The following SUMF1 variants were observed in gnomAD, a reference collection of about 807,000 sequenced individuals.
The protein encoded by SUMF1 is formylglycine-generating enzyme.
A neutral mutation model predicts 47.6 loss-of-function variants in SUMF1; 48 were observed. That is an observed-to-expected ratio of 1.01 (90% CI 0.80 to 1.28). The LOEUF (loss-of-function observed/expected upper bound fraction) is 1.28, where lower values mean the gene tolerates loss of function less well. Ranked by LOEUF, SUMF1 falls within the 50% of genes most tolerant of loss-of-function variation. The probability of loss-of-function intolerance (pLI) is 0.00; values close to 1 mark genes in which losing one functional copy is unlikely to be tolerated. For synonymous variants in SUMF1, 230 were observed against 192.1 expected (o/e 1.20, Z -1.63); for missense variants, 571 against 485.4 (o/e 1.18, Z -1.66).
intron 3 of SUMF1, among the ~76,000 whole-genome samples, chr3:4,426,506 T>C (rs1266516727): frequency 6.6e-6 from 1 of 152,136 alleles, no homozygotes; most frequent in Non-Finnish European, 1.5e-5. Flanking sequence ...AAATAACTTG[T>C]TCTTGAACTC....
At chr3:4,392,920 T>C (rs1422718861) in intron 7 of SUMF1, among the ~76,000 whole-genome samples, 3 of 152,242 alleles carry the variant, frequency 2.0e-5, no homozygotes, top group Admixed American at 1.3e-4. Flanking sequence ...TCTCAGATAC[T>C]TTGAACCCAC....
Position 4,452,938 on chromosome 3 carries a change from C to T in SUMF1, c.382G>A (p.Ala128Thr), listed in dbSNP as rs1575241538. The change falls in exon 2 of 9, where the codon GCC becomes ACC. Residue 128 changes from alanine to threonine, a missense_variant. Ala to Thr is a moderately conservative substitution (Grantham distance 58, BLOSUM62 0). Coordinates refer to ENST00000272902, the MANE Select transcript of SUMF1 (RefSeq NM_182760.4). ...RVTIDAFYMD[A>T]YEVSNTEFEK... Reference sequence around the variant, plus strand: ...AATTCAGTATTACTGACTTCATAGGCATCCATGTAAAAGGCATCAATAGTA... The same window carrying T: ...AATTCAGTATTACTGACTTCATAGGTATCCATGTAAAAGGCATCAATAGTA... 6.2e-7 allele frequency: 1 copy of T among 1,614,190 alleles called. No homozygotes were observed. Among genetic ancestry groups the T allele is most frequent in the South Asian group, 1.1e-5 (1 of 91,084 alleles).
At chr3:4,418,680 A>AT (rs1272430529) in intron 4 of SUMF1, among the ~76,000 whole-genome samples, 1 of 152,172 alleles carries the variant, frequency 6.6e-6, no homozygotes, top group East Asian at 1.9e-4. Context: ...TGCTTTCTAC[A>AT]GGTGTGGGGC....
intron 8 of SUMF1, among the ~76,000 whole-genome samples, chr3:4,180,700 A>ACACACACACACACACACAC (rs1553606606): frequency 8.6e-5 from 13 of 151,420 alleles, no homozygotes; most frequent in South Asian, 2.1e-4. Context: ...ACACACACAC[A>ACACACACACACACACACAC]AAATTAGCCA....
At chr3:4,230,022 A>C (rs1333837897) in intron 8 of SUMF1, among the ~76,000 whole-genome samples, 3 of 152,088 alleles carry the variant, frequency 2.0e-5, no homozygotes, top group Non-Finnish European at 2.9e-5. Context: ...CCAAAAAAAA[A>C]GAAAAGAAAA....
At chr3:4,367,293 CT>C (rs1273218059) in intron 8 of SUMF1, among the ~76,000 whole-genome samples, 6 of 152,202 alleles carry the variant, frequency 3.9e-5, no homozygotes, top group Non-Finnish European at 8.8e-5. Flanking sequence ...TTACTGCTAT[CT>C]TTTTGTTTGT....
At chr3:4,321,801 TCCTC>T (rs1394192675) in intron 8 of SUMF1, among the ~76,000 whole-genome samples, 1 of 152,096 alleles carries the variant, frequency 6.6e-6, no homozygotes, top group African/African-American at 2.4e-5. Flanking sequence ...CATAGTGACT[TCCTC>T]CCAAAGAGTG....
intron 8 of SUMF1, among the ~76,000 whole-genome samples, chr3:4,192,056 T>C (rs564175364): frequency 1.3e-5 from 2 of 152,192 alleles, no homozygotes; most frequent in East Asian, 3.9e-4. Context: ...CATTAGAGAC[T>C]GACAGAATGG....
At chr3:4,089,107 T>C (rs1391562759) in intron 8 of SUMF1, among the ~76,000 whole-genome samples, 8 of 152,100 alleles carry the variant, frequency 5.3e-5, no homozygotes, top group African/African-American at 1.9e-4. Context: ...ACTAATAACA[T>C]GAAGTGCAGA....
chr3:4,153,380 T>G (rs1694381256), intron 8 of SUMF1, among the ~76,000 whole-genome samples: 1 of 151,290 alleles, frequency 6.6e-6, no homozygotes, highest in South Asian at 2.1e-4. Flanking sequence ...CGAGCTAATT[T>G]TTTATTTTTA....
At chr3:4,056,900 C>G (rs950100709) in intron 9 of SUMF1, among the ~76,000 whole-genome samples, 1 of 152,002 alleles carries the variant, frequency 6.6e-6, no homozygotes, top group South Asian at 2.1e-4. Context: ...TGCCACCACG[C>G]CCGGCTAATT....
At chr3:4,320,424 C>A (rs1698804680) in intron 8 of SUMF1, among the ~76,000 whole-genome samples, 1 of 152,006 alleles carries the variant, frequency 6.6e-6, no homozygotes, top group African/African-American at 2.4e-5. Context: ...AATGAACTGA[C>A]AATAAACAGA....
chr3:4,042,741 CTGTT>C (rs1365633682), intron 9 of SUMF1, among the ~76,000 whole-genome samples: 2 of 152,078 alleles, frequency 1.3e-5, no homozygotes, highest in East Asian at 1.9e-4. Context: ...AAGCCTCTCT[CTGTT>C]TGTTATTTAG....
At position 4,467,013 on chromosome 3, in the gene SUMF1, C is replaced by T. The variant is rs753398300; in HGVS notation, c.233G>A (p.Gly78Asp). Residue 78 changes from glycine to aspartate, a missense_variant, in exon 1 of 9, where the codon GGC (glycine) becomes GAC (aspartate). Physicochemically the swap from Gly to Asp is moderately conservative, Grantham distance 94. Transcript: ENST00000272902. ...HRYSREANAP[G>D]PVPGERQLAH... ...GAGTTGCCGCTCTCCGGGTACGGGG[C>T]CCGGAGCGTTAGCCTCCCGCGAGTA... 9.5e-5 allele frequency: 151 copies of T among 1,594,160 alleles called. No homozygotes were observed. Among genetic ancestry groups the T allele is most frequent in the Non-Finnish European group, 8.2e-5 (96 of 1,172,218 alleles).
At chr3:4,373,118 C>A (rs1432284272) in intron 8 of SUMF1, among the ~76,000 whole-genome samples, 1 of 151,894 alleles carries the variant, frequency 6.6e-6, no homozygotes, top group Non-Finnish European at 1.5e-5. Flanking sequence ...TTTAAATCAA[C>A]CACTAAGATT....
intron 8 of SUMF1, among the ~76,000 whole-genome samples, chr3:4,370,893 C>A (rs1449183752): frequency 6.6e-6 from 1 of 152,060 alleles, no homozygotes; most frequent in African/African-American, 2.4e-5. Context: ...AAATTTAGTT[C>A]TTTATTAGAT....
chr3:4,362,754 T>A (rs1439978741), intron 8 of SUMF1, among the ~76,000 whole-genome samples: 1 of 152,030 alleles, frequency 6.6e-6, no homozygotes, highest in East Asian at 1.9e-4. Context: ...AGATCCCATC[T>A]CTACAAAAAA....
intron 8 of SUMF1, among the ~76,000 whole-genome samples, chr3:4,253,668 G>A (rs917106578): frequency 5.3e-5 from 8 of 151,584 alleles, no homozygotes; most frequent in South Asian, 2.1e-4. Flanking sequence ...ACTGCAAGGC[G>A]GCAGCGAGGC....
At chr3:4,118,997 C>A (rs1366862931) in intron 8 of SUMF1, among the ~76,000 whole-genome samples, 1 of 152,084 alleles carries the variant, frequency 6.6e-6, no homozygotes, top group East Asian at 1.9e-4. Flanking sequence ...TGATGTCCTA[C>A]AAACACCTCA....
Sources: allele counts gnomAD v4.1 joint callset (sites outside exome capture counted in the v4.1 genomes callset), GRCh38; gene constraint gnomAD v4.1.1; transcripts MANE v1.5; gene names NCBI Gene and HGNC (gene_info 2026-07-23, HGNC 2026-07-21).